The following MAGI2 variants were observed in gnomAD, a reference collection of about 807,000 sequenced individuals.
The protein encoded by MAGI2 is membrane associated guanylate kinase, WW and PDZ domain containing 2, also known as membrane-associated guanylate kinase, WW and PDZ domain-containing protein 2.
MAGI2 carries 35 observed loss-of-function variants against 133.3 expected under a neutral mutation model. That is an observed-to-expected ratio of 0.26 (90% confidence interval 0.20 to 0.35). The LOEUF is 0.35. Ranked by LOEUF, MAGI2 falls within the 10% of genes least tolerant of loss-of-function variation. MAGI2 has a pLI of 1.00. For synonymous variants in MAGI2, 729 were observed against 710.6 expected, an observed-to-expected ratio of 1.03 and a Z score of -0.41; for missense variants, 1,636 against 1,863.4, an observed-to-expected ratio of 0.88 and a Z score of 2.25.
At position 78,168,079 on chromosome 7, in the gene MAGI2, G is replaced by A. The variant is rs1825785552; in HGVS notation, c.2433C>T (p.Gly811=). ...GAAGGCGGCCATCTCTGTCGGCTGAGCCCATGGCAATGACAGCTCCAATCA... is the reference window on the plus strand; with the variant it reads ...GAAGGCGGCCATCTCTGTCGGCTGAACCCATGGCAATGACAGCTCCAATCA... ...PILIGAVIAM[G]SADRDGRLHP... The change falls in exon 15 of 22, where the codon GGC becomes GGT. Residue 811 remains glycine (G), a synonymous_variant. Transcript: ENST00000354212. The A allele has an allele frequency of 1.2e-6, 2 of 1,613,952 alleles. No individual in the cohort carries two copies. Among genetic ancestry groups the A allele is most frequent in the Admixed American group, 3.3e-5 (2 of 59,994 alleles).
intron 9 of MAGI2, among the ~76,000 whole-genome samples, chr7:78,289,300 T>C (rs1035480955): frequency 2.0e-5 from 3 of 152,116 alleles, no homozygotes; most frequent in African/African-American, 4.8e-5. Context: ...ATGAGAACTA[T>C]GTGATGCATG....
intron 3 of MAGI2, among the ~76,000 whole-genome samples, chr7:78,585,357 A>T (rs537797529): frequency 2.0e-5 from 3 of 152,254 alleles, no homozygotes; most frequent in Admixed American, 6.5e-5. Flanking sequence ...TTCTCTTCCA[A>T]ATAGGCACTG....
intron 21 of MAGI2, among the ~76,000 whole-genome samples, chr7:78,038,429 G>A (rs1363197423): frequency 6.6e-6 from 1 of 151,904 alleles, no homozygotes; most frequent in East Asian, 1.9e-4. Context: ...TAATTTTATT[G>A]TAGTATTGTA....
chr7:79,247,615 A>ATACTAC (rs147074717), intron 1 of MAGI2, among the ~76,000 whole-genome samples: 5 of 151,950 alleles, frequency 3.3e-5, no homozygotes, highest in Admixed American at 2.6e-4. Flanking sequence ...ACTGTCTGAA[A>ATACTAC]TACTACTACT....
chr7:78,063,235 TTTTTC>T (rs143933295), intron 21 of MAGI2, among the ~76,000 whole-genome samples: 176 of 151,304 alleles, frequency 1.2e-3, no homozygotes, highest in African/African-American at 4.2e-3. Flanking sequence ...AGAAGGTATT[TTTTTC>T]TTTTCTTTTC....
At chr7:78,927,163 A>G (rs1799764018) in intron 2 of MAGI2, among the ~76,000 whole-genome samples, 1 of 152,066 alleles carries the variant, frequency 6.6e-6, no homozygotes, top group Non-Finnish European at 1.5e-5. Context: ...GGGCATCAGG[A>G]AACCTAGAGT....
intron 2 of MAGI2, among the ~76,000 whole-genome samples, chr7:78,724,699 T>C (rs1820595800): frequency 6.6e-6 from 1 of 152,208 alleles, no homozygotes; most frequent in Non-Finnish European, 1.5e-5. Context: ...GCATGTAGCA[T>C]GTCTTGTACA....
intron 1 of MAGI2, among the ~76,000 whole-genome samples, chr7:79,394,953 C>T (rs549320130): frequency 3.3e-5 from 5 of 152,142 alleles, no homozygotes; most frequent in African/African-American, 9.6e-5. Context: ...CAATTTACGC[C>T]TTTAGATTTT....
intron 1 of MAGI2, among the ~76,000 whole-genome samples, chr7:79,121,211 T>C (rs1819861215): frequency 6.6e-6 from 1 of 152,108 alleles, no homozygotes; most frequent in Admixed American, 6.6e-5. Context: ...AAGTTATCAA[T>C]GAAATTAGAA....
chr7:78,509,244 A>G (rs1795365310), intron 4 of MAGI2: 1 of 152,198 alleles, frequency 6.6e-6, no homozygotes, highest in South Asian at 2.1e-4. Context: ...GGACTGTTAA[A>G]TAGAATTCCT....
At chr7:78,128,812 C>A (rs1326557995) in intron 18 of MAGI2, among the ~76,000 whole-genome samples, 1 of 152,178 alleles carries the variant, frequency 6.6e-6, no homozygotes, top group Non-Finnish European at 1.5e-5. Context: ...AGAGGAGAGG[C>A]ATTCCTTTTA....
intron 6 of MAGI2, among the ~76,000 whole-genome samples, chr7:78,426,472 C>G (rs6972004): frequency 0.19 from 28,189 of 151,536 alleles, 3,521 homozygotes; most frequent in African/African-American, 0.35. Flanking sequence ...GGGGGGAGCG[C>G]GGAGGGATAG....
intron 1 of MAGI2, among the ~76,000 whole-genome samples, chr7:79,416,933 C>CG (rs1340666075): frequency 4.0e-5 from 6 of 151,606 alleles, no homozygotes; most frequent in African/African-American, 1.5e-4. Context: ...GGAGTTTCAC[C>CG]GTATTGGCTA....
intron 2 of MAGI2, among the ~76,000 whole-genome samples, chr7:78,749,785 G>A (rs1444808987): frequency 6.6e-6 from 1 of 152,154 alleles, no homozygotes; most frequent in African/African-American, 2.4e-5. Flanking sequence ...TTAAAGGGAA[G>A]AGAGAGAGGA....
At chr7:79,008,639 A>T (rs1488718275) in intron 1 of MAGI2, 1 of 152,186 alleles carries the variant, frequency 6.6e-6, no homozygotes, top group East Asian at 1.9e-4. Context: ...CATAAATATT[A>T]CATCCGGAAT....
chr7:78,222,522 T>A (rs1485672040), intron 10 of MAGI2, among the ~76,000 whole-genome samples: 2 of 152,186 alleles, frequency 1.3e-5, no homozygotes, highest in Non-Finnish European at 2.9e-5. Context: ...AGATGAAAAG[T>A]AACTTACCCC....
At chr7:78,882,648 AG>A (rs1231727649) in intron 2 of MAGI2, among the ~76,000 whole-genome samples, 1 of 152,110 alleles carries the variant, frequency 6.6e-6, no homozygotes, top group Non-Finnish European at 1.5e-5. Context: ...GCACATCAAA[AG>A]TTAATTCACC....
intron 1 of MAGI2, among the ~76,000 whole-genome samples, chr7:79,308,321 T>A (rs772436766): frequency 3.3e-5 from 5 of 152,154 alleles, no homozygotes; most frequent in African/African-American, 9.7e-5. Context: ...AACACCAACA[T>A]GCGTTCTCAG....
chr7:78,839,392 C>A (rs1167825057), intron 2 of MAGI2, among the ~76,000 whole-genome samples: 1 of 152,020 alleles, frequency 6.6e-6, no homozygotes, highest in Non-Finnish European at 1.5e-5. Context: ...AAAATAATAA[C>A]CATGTTTACT....
Sources: allele counts gnomAD v4.1 joint callset (sites outside exome capture counted in the v4.1 genomes callset), GRCh38; gene constraint gnomAD v4.1.1; transcripts MANE v1.5; gene names NCBI Gene and HGNC (gene_info 2026-07-23, HGNC 2026-07-21).